GTPBP4: variants seen among roughly 807,000 people sequenced by gnomAD.
The protein encoded by GTPBP4 is GTP-binding protein 4.
In GTPBP4, 15 loss-of-function variants were observed where a neutral mutation model predicts 81.7. The observed-to-expected ratio is 0.18, with a 90% CI of 0.12 to 0.28. GTPBP4 has a LOEUF of 0.28. GTPBP4 is among the 10% of genes least tolerant of loss of function. The pLI is 1.00. For missense variants in GTPBP4, 847 were observed against 793.8 expected (o/e 1.07, Z -0.81); for synonymous variants, 272 against 274.6 (o/e 0.99, Z 0.09).
At chr10:999,950 ACT>A (rs1417374178) in intron 6 of GTPBP4, among the ~76,000 whole-genome samples, 1 of 152,184 alleles carries the variant, frequency 6.6e-6, no homozygotes, top group Non-Finnish European at 1.5e-5. Flanking sequence ...CAGGAGCGAA[ACT>A]CTGTCTCAAA....
At position 999,038 on chromosome 10, in the gene GTPBP4, G is replaced by A. The variant is rs567535488; in HGVS notation, c.597G>A (p.Ala199=). The change falls in exon 6 of 17, where the codon GCG becomes GCA. Residue 199 remains alanine (A), a synonymous_variant. Transcript: ENST00000360803. The part of the protein sequence containing the change: ...TRADVDVQPY[A]FTTKSLFVGH... ...CAGACGTGGATGTCCAGCCCTATGC[G>A]TTCACAACCAAGTCTCTGTTTGTTG... The A allele has an allele frequency of 2.2e-5, 35 of 1,609,642 alleles. No homozygotes were observed. Among genetic ancestry groups the A allele is most frequent in the African/African-American group, 5.3e-5 (4 of 74,972 alleles).
chr10:1,006,436 C>T (rs961329159), intron 9 of GTPBP4, among the ~76,000 whole-genome samples: 2 of 152,072 alleles, frequency 1.3e-5, no homozygotes, highest in Admixed American at 6.6e-5. Flanking sequence ...GTCGGGAGTT[C>T]GAGACCAGCC....
intron 14 of GTPBP4, among the ~76,000 whole-genome samples, chr10:1,012,987 CTT>C (rs1474663769): frequency 6.6e-6 from 1 of 151,840 alleles, no homozygotes; most frequent in Non-Finnish European, 1.5e-5. Context: ...TTCTCTCTCT[CTT>C]TTTTTTAGGG....
Position 992,651 on chromosome 10 carries a change from A to G in GTPBP4, c.211A>G (p.Lys71Glu). The G allele has an allele frequency of 6.2e-7, 1 of 1,600,904 alleles. No homozygotes were observed. Among genetic ancestry groups the G allele is most frequent in the Non-Finnish European group, 8.5e-7 (1 of 1,169,798 alleles). The change falls in exon 2 of 17, where the codon AAA (lysine) becomes GAA (glutamate). Residue 71 changes from lysine to glutamate, a missense_variant. Coordinates refer to ENST00000360803, the MANE Select transcript of GTPBP4 (RefSeq NM_012341.3). ...RLSQILTDFP[K>E]LDDIHPFYAD... is the part of the protein sequence containing the mutation. ...TTCACAAATTCTAACAGATTTCCCCAAATTGGATGTAAGTGACTTAGGGGA... is the reference window on the plus strand; with the variant it reads ...TTCACAAATTCTAACAGATTTCCCCGAATTGGATGTAAGTGACTTAGGGGA...
chr10:1,002,965 T>G (rs1395811686), intron 8 of GTPBP4, among the ~76,000 whole-genome samples: 2 of 152,252 alleles, frequency 1.3e-5, no homozygotes, highest in Non-Finnish European at 2.9e-5. Flanking sequence ...CTCCCCAGTC[T>G]TGGAAAGTTT....
chr10:998,380 A>G (rs1250886), intron 5 of GTPBP4, among the ~76,000 whole-genome samples: 151,104 of 152,334 alleles, frequency 0.99, 74,955 homozygotes, highest in Middle Eastern at 1. Flanking sequence ...GATTACAGGC[A>G]TGAATCACTC....
intron 8 of GTPBP4, among the ~76,000 whole-genome samples, chr10:1,003,297 G>A (rs1184100619): frequency 6.6e-6 from 1 of 151,962 alleles, no homozygotes; most frequent in Admixed American, 6.6e-5. Flanking sequence ...TCATGAAATT[G>A]TTTTCTTGAT....
At chr10:999,696 C>T (rs564370205) in intron 6 of GTPBP4, among the ~76,000 whole-genome samples, 11 of 152,194 alleles carry the variant, frequency 7.2e-5, no homozygotes, top group Non-Finnish European at 1.3e-4. Flanking sequence ...CAGTGATTCA[C>T]GCCTGTAATC....
rs759076410 is a variant in GTPBP4, at chr10:1,000,942, G to A, written c.847-6G>A. ...AATGATTTCATTATTTTTCTTCCTTGCCTAGCCTCTCATAGTTGTAGCCAA... is the reference window on the plus strand; with the variant it reads ...AATGATTTCATTATTTTTCTTCCTTACCTAGCCTCTCATAGTTGTAGCCAA... On this transcript the variant is annotated splice_region_variant and splice_polypyrimidine_tract_variant and intron_variant, in intron 7 of 16. Transcript: ENST00000360803. 6.2e-7 allele frequency: 1 copy of A among 1,612,074 alleles called. No homozygotes were observed. Among genetic ancestry groups the A allele is most frequent in the Non-Finnish European group, 8.5e-7 (1 of 1,178,240 alleles).
In GTPBP4 at chr10:988,484, C is replaced by T; in HGVS notation, c.5C>T (p.Ala2Val). 6.2e-7 allele frequency: 1 copy of T among 1,613,088 alleles called. No individual in the cohort carries two copies. The highest frequency in any genetic ancestry group is 1.1e-5 in the South Asian group (1 of 91,060). Residue 2 changes from alanine to valine, a missense_variant, in exon 1 of 17, where the codon GCA becomes GTA. Ala to Val is a moderately conservative substitution (Grantham distance 64, BLOSUM62 0). Coordinates refer to ENST00000360803, the MANE Select transcript of GTPBP4 (RefSeq NM_012341.3). M[A>V]HYNFKKITVV... is the part of the protein sequence containing the mutation. ...CGCGTGCATACGGCTGCCGGCATGG[C>T]ACATTACAACTTCAAGAAAATTACG...
intron 10 of GTPBP4, among the ~76,000 whole-genome samples, chr10:1,007,539 A>T (rs1182566635): frequency 1.3e-5 from 2 of 152,354 alleles, no homozygotes; most frequent in Non-Finnish European, 1.5e-5. Flanking sequence ...GTTCTTGACC[A>T]GCCTGGGCAA....
intron 10 of GTPBP4, chr10:1,008,466 G>A (rs181274904): frequency 3.1e-5 from 10 of 317,610 alleles, no homozygotes; most frequent in East Asian, 8.3e-5. Context: ...AGTCTTCACC[G>A]TGTCTTGAGT....
intron 6 of GTPBP4, among the ~76,000 whole-genome samples, chr10:1,000,117 A>G (rs1051147002): frequency 1.3e-5 from 2 of 152,150 alleles, no homozygotes; most frequent in South Asian, 2.1e-4. Flanking sequence ...ATTTCTCTCA[A>G]CATCATGGCT....
intron 13 of GTPBP4, among the ~76,000 whole-genome samples, chr10:1,011,007 C>A (rs76852613): frequency 2.5e-4 from 36 of 141,536 alleles, no homozygotes; most frequent in Middle Eastern, 4.1e-3. Context: ...CCTTCCCCCC[C>A]ACCCTGTGTC....
intron 6 of GTPBP4, among the ~76,000 whole-genome samples, chr10:999,614 C>A (rs1037553434): frequency 6.6e-6 from 1 of 152,206 alleles, no homozygotes; most frequent in African/African-American, 2.4e-5. Context: ...ATGAAATTAT[C>A]TTTGTGTCAT....
At chr10:1,007,416 T>C (rs975834499) in intron 10 of GTPBP4, 1 of 278,640 alleles carries the variant, frequency 3.6e-6, no homozygotes. Context: ...TAAACACAGA[T>C]GGAAATCTGT....
rs555835510 is a variant in GTPBP4, at chr10:1,001,022, C to A, written c.912+9C>A. 2 of 1,573,916 alleles carry A rather than the reference C, an allele frequency of 1.3e-6. No homozygotes were observed. Among genetic ancestry groups the A allele is most frequent in the Non-Finnish European group, 8.7e-7 (1 of 1,143,682 alleles). ...TTTCTGAAGATGATCAGGTAAATCACGTTAATATTTTGAATATTTCTTACT... is the reference window on the plus strand; with the variant it reads ...TTTCTGAAGATGATCAGGTAAATCAAGTTAATATTTTGAATATTTCTTACT... On this transcript the variant is annotated intron_variant, in intron 8 of 16. Transcript: ENST00000360803.
chr10:989,725 T>C (rs1320804198), intron 1 of GTPBP4, among the ~76,000 whole-genome samples: 1 of 152,168 alleles, frequency 6.6e-6, no homozygotes, highest in Admixed American at 6.5e-5. Flanking sequence ...GGCACATCTC[T>C]TGATCGATTG....
intron 8 of GTPBP4, among the ~76,000 whole-genome samples, chr10:1,001,481 A>G (rs1296758559): frequency 6.6e-6 from 1 of 152,176 alleles, no homozygotes; most frequent in Non-Finnish European, 1.5e-5. Context: ...TGTTGGACAT[A>G]ATTTTTCAAA....
Sources: gnomAD v4.1 joint callset for allele counts (sites outside exome capture counted in the v4.1 genomes callset) on GRCh38, gnomAD v4.1.1 for gene constraint, MANE v1.5 for transcripts, NCBI Gene and HGNC (gene_info 2026-07-23, HGNC 2026-07-21) for gene names.